Variants in SLC12A9 observed in about 807,000 individuals in gnomAD.
SLC12A9 encodes CCC-interacting protein 1.
Under a neutral mutation model 66.0 loss-of-function variants are expected in SLC12A9, and 55 were observed. The ratio of observed to expected loss-of-function variants is 0.83; its 90% CI spans 0.67 to 1.04. The LOEUF is 1.04. SLC12A9 is among the 50% of genes least tolerant of loss of function. The probability of loss-of-function intolerance (pLI) is 0.00; values close to 1 mark genes in which losing one functional copy is unlikely to be tolerated. For synonymous variants in SLC12A9, 577 were observed against 569.0 expected, an observed-to-expected ratio of 1.01 and a Z score of -0.20; for missense variants, 1,061 against 1,241.9, an observed-to-expected ratio of 0.85 and a Z score of 2.19.
chr7:100,830,610 T>C (rs866783424), intron 1 of SLC12A9, among the ~76,000 whole-genome samples: 1 of 151,842 alleles, frequency 6.6e-6, no homozygotes, highest in Admixed American at 6.6e-5. Flanking sequence ...ATCTAGTGTA[T>C]GCCAGTCAAA....
At chr7:100,833,521 A>G (rs1425193868) in intron 1 of SLC12A9, among the ~76,000 whole-genome samples, 1 of 151,512 alleles carries the variant, frequency 6.6e-6, no homozygotes, top group Non-Finnish European at 1.5e-5. Flanking sequence ...AACAAAAAAA[A>G]ACAGACAAGG....
In SLC12A9 at chr7:100,834,926, G is replaced by C. The variant is rs531807964; in HGVS notation, n.228+7879G>C. Among the ~76,000 whole-genome samples, 8 of 152,262 alleles carry C rather than the reference G, an allele frequency of 5.3e-5. No homozygotes were observed. In the East Asian group the frequency reaches 1.5e-3, roughly 29 times the overall value. On this transcript the variant is annotated intron_variant and non_coding_transcript_variant, in intron 1 of 1. Coordinates refer to the SLC12A9 transcript ENST00000461016. ...CACGCCTGTAATCCCAACTATACAG[G>C]AGGCTGAGACAGGAGGATTGCTTGA...
upstream of SLC12A9, among the ~76,000 whole-genome samples, chr7:100,850,505 A>G (rs903320595): frequency 6.7e-6 from 1 of 149,958 alleles, no homozygotes; most frequent in Admixed American, 6.6e-5. Context: ...CTCCCAAAGT[A>G]CTGGGATTAC....
Position 100,866,694 on chromosome 7 carries a change from C to A in SLC12A9, c.*89C>A. On this transcript the variant is annotated 3_prime_UTR_variant, in exon 14 of 14. Coordinates refer to ENST00000354161, the MANE Select transcript of SLC12A9 (RefSeq NM_020246.4). This position sits in a 1 kb window ranked among gnomAD's most constrained non-coding sequence, Gnocchi z 7.3. ...GAGGAGGAAGAGGAGGCCACTGTGG[C>A]CCGTGGCCCTGCCCTTGGGACGTGG... The A allele has an allele frequency of 7.4e-7, 1 of 1,344,592 alleles. No individual in the cohort carries two copies. Among genetic ancestry groups the A allele is most frequent in the Non-Finnish European group, 9.8e-7 (1 of 1,022,798 alleles). The allele number at this position is 1,344,592 out of a possible 1,614,324, so 83.3% of individuals were successfully genotyped here. A position where few individuals can be genotyped will look rare whatever the true frequency, so the allele number is the denominator to read the frequency against.
chr7:100,854,854 T>C (rs1020614902), intron 3 of SLC12A9, 100 bp downstream of exon 3: 3 of 1,506,004 alleles, frequency 2.0e-6, no homozygotes, highest in Non-Finnish European at 2.7e-6. Flanking sequence ...GCAAGACAAG[T>C]GTTTTTTTCA....
At chr7:100,864,300 C>T (rs1057093322) in intron 13 of SLC12A9, among the ~76,000 whole-genome samples, 3 of 152,038 alleles carry the variant, frequency 2.0e-5, no homozygotes, top group African/African-American at 7.2e-5. Context: ...AGGCTGATCT[C>T]GAACTTCCAA....
chr7:100,843,543 G>T (rs1434177389), intron 1 of SLC12A9, among the ~76,000 whole-genome samples: 1 of 152,192 alleles, frequency 6.6e-6, no homozygotes, highest in African/African-American at 2.4e-5. Context: ...CAGACTGTAG[G>T]GCCCTGGGCA....
At chr7:100,841,525 T>C (rs4727465) in intron 1 of SLC12A9, among the ~76,000 whole-genome samples, 2 of 152,004 alleles carry the variant, frequency 1.3e-5, no homozygotes, top group African/African-American at 4.8e-5. Flanking sequence ...TATCATCCAG[T>C]TTTTCTGTGA....
intron 1 of SLC12A9, among the ~76,000 whole-genome samples, chr7:100,839,628 G>A (rs1050993776): frequency 2.0e-5 from 3 of 152,326 alleles, no homozygotes; most frequent in East Asian, 3.9e-4. Context: ...CCAGGAGGAC[G>A]CTTCGCCAGA....
intron 5 of SLC12A9, 61 bp downstream of exon 5, chr7:100,857,237 G>A: frequency 1.9e-6 from 3 of 1,549,086 alleles, no homozygotes; most frequent in South Asian, 1.2e-5. Flanking sequence ...CGTCGGGCCG[G>A]GCCCGTAAAA....
In SLC12A9 at chr7:100,861,360, G is replaced by C. The variant is rs374075343; in HGVS notation, c.1344-32G>C. ...CAGCCTCGTGTGCGGCCTGCCCTGAGTTTCTGTCCCTCCTCCCCTCCATGC... is the reference window on the plus strand; with the variant it reads ...CAGCCTCGTGTGCGGCCTGCCCTGACTTTCTGTCCCTCCTCCCCTCCATGC... On this transcript the variant is annotated intron_variant, in intron 10 of 13. Coordinates refer to ENST00000354161, the MANE Select transcript of SLC12A9 (RefSeq NM_020246.4). This position sits in a 1 kb window ranked among gnomAD's most constrained non-coding sequence, Gnocchi z 5.3. The C allele has an allele frequency of 3.7e-6, 6 of 1,611,928 alleles. No homozygotes were observed. In the African/African-American group the frequency reaches 4.0e-5, roughly 11 times the overall value.
chr7:100,850,724 T>TC (rs1325896387), upstream of SLC12A9, among the ~76,000 whole-genome samples: 1 of 135,996 alleles, frequency 7.4e-6, no homozygotes, highest in East Asian at 2.0e-4. Context: ...TTCTTCTTCT[T>TC]TTTTTTTTTT....
intron 4 of SLC12A9, 71 bp from the exon 5 acceptor site, chr7:100,856,797 C>G (rs907402201): frequency 7.0e-7 from 1 of 1,433,982 alleles, no homozygotes; most frequent in Non-Finnish European, 9.4e-7. Context: ...TAGATGTGAG[C>G]CGCCCACCAT....
upstream of SLC12A9, among the ~76,000 whole-genome samples, chr7:100,848,422 T>C (rs1813965794): frequency 6.6e-6 from 1 of 151,654 alleles, no homozygotes; most frequent in South Asian, 2.1e-4. Flanking sequence ...TGCTTGAGCC[T>C]GGGAGATAGA....
Position 100,858,821 on chromosome 7 carries a change from G to A in SLC12A9, c.758-14G>A, listed in dbSNP as rs757453911. ...GATGCTGATGCACTCTCCTCCCTGGGAGGATCCTCCTAGCTGGCTATGCTG... is the reference window on the plus strand; with the variant it reads ...GATGCTGATGCACTCTCCTCCCTGGAAGGATCCTCCTAGCTGGCTATGCTG... On this transcript the variant is annotated splice_polypyrimidine_tract_variant and intron_variant, in intron 5 of 13. Transcript: ENST00000354161. The A allele has an allele frequency of 4.3e-6, 7 of 1,613,834 alleles. No individual in the cohort carries two copies. Among genetic ancestry groups the A allele is most frequent in the Non-Finnish European group, 5.9e-6 (7 of 1,179,826 alleles).
chr7:100,832,311 C>T (rs977061772), intron 1 of SLC12A9, among the ~76,000 whole-genome samples: 10 of 152,096 alleles, frequency 6.6e-5, no homozygotes, highest in African/African-American at 2.4e-4. Context: ...TTGAGACCGG[C>T]CTGGGCAACA....
In SLC12A9 at chr7:100,861,132, G is replaced by T; in HGVS notation, c.1219-6G>T. On this transcript the variant is annotated splice_polypyrimidine_tract_variant and splice_region_variant and intron_variant, in intron 9 of 13. Coordinates refer to ENST00000354161, the MANE Select transcript of SLC12A9 (RefSeq NM_020246.4). The surrounding 1 kb of genome is among the most constrained non-coding windows in gnomAD (Gnocchi z 5.3). ...AACAACGGCACGCCTCTTGGCCCTT[G>T]CCCAGCTGGTGCTCCTGGCTGGGAA... 1 of 1,614,172 alleles carries T rather than the reference G, an allele frequency of 6.2e-7. No homozygotes were observed. Among genetic ancestry groups the T allele is most frequent in the Non-Finnish European group, 8.5e-7 (1 of 1,180,014 alleles).
In SLC12A9 at chr7:100,854,297, G is replaced by A; in HGVS notation, c.100G>A (p.Ala34Thr). The change falls in exon 2 of 14, where the codon GCC becomes ACC. Residue 34 changes from alanine to threonine, a missense_variant. Transcript: ENST00000354161. ...GGCCGGGGGTCCTGGAGGGGCGTCT[G>A]CCCGGAAGCTGTCCACCTTCCTGGG... Reference protein sequence around the residue: ...NGAGGPGGASARKLSTFLGVV... With the variant: ...NGAGGPGGASTRKLSTFLGVV... The A allele has an allele frequency of 3.7e-6, 6 of 1,604,378 alleles. No individual in the cohort carries two copies. Among genetic ancestry groups the A allele is most frequent in the Non-Finnish European group, 5.1e-6 (6 of 1,177,538 alleles).
chr7:100,860,148 A>G lies in SLC12A9; in HGVS notation c.1136-2A>G, dbSNP rs911720531. ...TGTCTGCTGTGGATTCTGTTTTTCT[A>G]GGCGTGATCTTGGCACCGGCCAAGG... On this transcript the variant is annotated splice_acceptor_variant, in intron 8 of 13. Transcript: ENST00000354161. LOFTEE classifies it high-confidence loss of function. 4.3e-6 allele frequency: 7 copies of G among 1,613,968 alleles called. No individual in the cohort carries two copies. The highest frequency in any genetic ancestry group is 1.3e-5 in the African/African-American group (1 of 74,888).
Sources: gnomAD v4.1 joint callset for allele counts (sites outside exome capture counted in the v4.1 genomes callset) on GRCh38, gnomAD v4.1.1 for gene constraint, Gnocchi (gnomAD v3.1) non-coding constraint, MANE v1.5 for transcripts, NCBI Gene and HGNC (gene_info 2026-07-23, HGNC 2026-07-21) for gene names.